Variants in NUP93 observed in about 807,000 individuals in gnomAD.
The protein encoded by NUP93 is nucleoporin 93, also known as nuclear pore complex protein Nup93.
In NUP93, 55 loss-of-function variants were observed where a neutral mutation model predicts 107.8. The ratio of observed to expected loss-of-function variants is 0.51; its 90% CI spans 0.41 to 0.64. The LOEUF (loss-of-function observed/expected upper bound fraction) is 0.64, where lower values mean the gene tolerates loss of function less well. Ranked by LOEUF, NUP93 falls within the 30% of genes least tolerant of loss-of-function variation. The pLI, the probability that NUP93 is intolerant of heterozygous loss-of-function variation, is 0.00. For missense variants in NUP93, 937 were observed against 1,044.7 expected, an observed-to-expected ratio of 0.90 and a Z score of 1.42; for synonymous variants, 390 against 397.5, an observed-to-expected ratio of 0.98 and a Z score of 0.22.
At chr16:56,773,589 C>A (rs1454719080) in intron 3 of NUP93, among the ~76,000 whole-genome samples, 1 of 152,172 alleles carries the variant, frequency 6.6e-6, no homozygotes, top group Admixed American at 6.5e-5. Flanking sequence ...GCGCTCAGAC[C>A]AGCAGCATCA....
chr16:56,828,034 T>C (rs1044128041), intron 8 of NUP93, among the ~76,000 whole-genome samples: 2 of 151,688 alleles, frequency 1.3e-5, no homozygotes, highest in African/African-American at 2.4e-5. Flanking sequence ...ACAAGAGAAA[T>C]GCTTGAAAAC....
At position 56,844,893 on chromosome 16, in the gene NUP93, A is replaced by G. The variant is rs138475119; in HGVS notation, c.*284A>G. 62 of 393,398 alleles carry G rather than the reference A, an allele frequency of 1.6e-4. No individual in the cohort carries two copies. Among genetic ancestry groups the G allele is most frequent in the African/African-American group, 1.2e-3 (57 of 48,542 alleles). The allele number at this position is 393,398 out of a possible 1,614,324, so 24.4% of individuals were successfully genotyped here. A position where few individuals can be genotyped will look rare whatever the true frequency, so the allele number is the denominator to read the frequency against. On this transcript the variant is annotated 3_prime_UTR_variant, in exon 22 of 22. Coordinates refer to ENST00000308159, the MANE Select transcript of NUP93 (RefSeq NM_014669.5). ...GGAATGAGAGGCTATGTAGATATTC[A>G]TTATTTGGTTAAATTGACCTTAATT...
intron 1 of NUP93, among the ~76,000 whole-genome samples, chr16:56,739,037 G>C (rs1961659001): frequency 1.3e-5 from 2 of 150,244 alleles, no homozygotes; most frequent in Admixed American, 6.6e-5. Context: ...TGGGGGTAAG[G>C]TCACAGATCA....
chr16:56,740,488 C>A (rs1256695430), intron 1 of NUP93, among the ~76,000 whole-genome samples: 116 of 148,950 alleles, frequency 7.8e-4, no homozygotes, highest in Non-Finnish European at 1.3e-3. Flanking sequence ...AAGAGGCGCT[C>A]CTCACTTCCT....
chr16:56,804,348 T>A (rs1963086390), intron 4 of NUP93, among the ~76,000 whole-genome samples: 1 of 152,202 alleles, frequency 6.6e-6, no homozygotes, highest in African/African-American at 2.4e-5. Context: ...AAATGTGGTA[T>A]ATTCATACAG....
Position 56,739,130 on chromosome 16 carries a change from C to T in NUP93, c.-15+8919C>T, listed in dbSNP as rs375041858. Among the ~76,000 whole-genome samples, 1,188 of 138,968 alleles carry T rather than the reference C, an allele frequency of 8.5e-3. 5 individuals are homozygous for T. The highest frequency in any genetic ancestry group is 0.031 in the African/African-American group (1,112 of 35,620). The allele number at this position is 138,968 out of a possible 152,430, so 91.2% of individuals were successfully genotyped here. ...ATGTCTACTTCTTTCTACACAGACACGGCAACCATCCGATTTCTCAATCTT... is the reference window on the plus strand; with the variant it reads ...ATGTCTACTTCTTTCTACACAGACATGGCAACCATCCGATTTCTCAATCTT... On this transcript the variant is annotated intron_variant, in intron 1 of 21. Transcript: ENST00000308159.
At chr16:56,732,168 C>T (rs1221501641) in intron 1 of NUP93, among the ~76,000 whole-genome samples, 1 of 152,174 alleles carries the variant, frequency 6.6e-6, no homozygotes, top group African/African-American at 2.4e-5. Context: ...CCCTTCATTG[C>T]TTTAGTTGTT....
At chr16:56,738,377 A>T (rs182252472) in intron 1 of NUP93, among the ~76,000 whole-genome samples, 1 of 152,340 alleles carries the variant, frequency 6.6e-6, no homozygotes, top group African/African-American at 2.4e-5. Context: ...TTGAAGAGGA[A>T]ATAATACAAG....
rs199745065 is a variant in NUP93 at position 56,834,174 on chromosome 16, C to T, written c.1584C>T (p.Phe528=). 75 of 1,614,080 alleles carry T rather than the reference C, an allele frequency of 4.6e-5. No individual in the cohort carries two copies. The highest frequency in any genetic ancestry group is 5.9e-5 in the Non-Finnish European group (70 of 1,180,056). Residue 528 remains phenylalanine, a synonymous_variant, in exon 14 of 22, where the codon TTC becomes TTT. Transcript: ENST00000308159. Reference sequence around the variant, plus strand: ...CTCCTTGCTTGCGGCGGCTGAACTTCGTGCGGCTCCTCATGCTGTACACCC... The same window carrying T: ...CTCCTTGCTTGCGGCGGCTGAACTTTGTGCGGCTCCTCATGCTGTACACCC... ...GDPPCLRRLN[F]VRLLMLYTRK...
intron 8 of NUP93, among the ~76,000 whole-genome samples, chr16:56,826,675 C>G (rs746554756): frequency 6.6e-6 from 1 of 152,086 alleles, no homozygotes; most frequent in Non-Finnish European, 1.5e-5. Flanking sequence ...CGTATACCAT[C>G]TAGAGGCTCC....
chr16:56,792,114 C>A (rs575801456), intron 3 of NUP93, among the ~76,000 whole-genome samples: 5 of 152,092 alleles, frequency 3.3e-5, no homozygotes, highest in Non-Finnish European at 5.9e-5. Flanking sequence ...CAGGAGTTTG[C>A]GGCTGCAGTG....
chr16:56,739,516 CGG>C (rs1961672473), intron 1 of NUP93, among the ~76,000 whole-genome samples: 4 of 77,746 alleles, frequency 5.1e-5, no homozygotes, highest in South Asian at 5.7e-4. Context: ...GCTGGCCGGG[CGG>C]GGGGGCTGAC....
In NUP93 at chr16:56,848,532, C is replaced by T. The variant is rs1309657712; in HGVS notation, c.*3923C>T. 1 of 152,210 alleles carries T rather than the reference C, an allele frequency of 6.6e-6. No homozygotes were observed. Among genetic ancestry groups the T allele is most frequent in the African/African-American group, 2.4e-5 (1 of 41,430 alleles). The allele number at this position is 152,210 out of a possible 1,614,324, so 9.4% of individuals were successfully genotyped here. A position where few individuals can be genotyped will look rare whatever the true frequency, so the allele number is the denominator to read the frequency against. ...TGAATCCACAAGTCTTCCCATCTTC[C>T]ACCATCTTCTGACAGTTCCATAATA... is the stretch of plus-strand genomic sequence containing the variant. On this transcript the variant is annotated 3_prime_UTR_variant, in exon 22 of 22. Coordinates refer to ENST00000308159, the MANE Select transcript of NUP93 (RefSeq NM_014669.5).
At chr16:56,752,977 T>C (rs1039125916) in intron 2 of NUP93, among the ~76,000 whole-genome samples, 8 of 152,162 alleles carry the variant, frequency 5.3e-5, no homozygotes, top group Admixed American at 5.2e-4. Context: ...TTGAAGAGGC[T>C]TCTACTGGCC....
At chr16:56,836,836 T>C in intron 17 of NUP93, 119 bp downstream of exon 17, 1 of 644,586 alleles carries the variant, frequency 1.6e-6, no homozygotes, top group Middle Eastern at 2.8e-4. Context: ...AGGCATTTGC[T>C]CTAGTGCTTA....
In NUP93 at chr16:56,770,526, C is replaced by T. The variant is rs189810090; in HGVS notation, c.297+11871C>T. 3.5e-3 allele frequency among the ~76,000 whole-genome samples: 539 copies of T among 152,222 alleles called. 1 individual carries two copies. Among genetic ancestry groups the T allele is most frequent in the Non-Finnish European group, 5.1e-3 (349 of 68,016 alleles). Reference sequence around the variant, plus strand: ...GGGGGAAAATTGACTTCCGCCACCCCCTCCAGTCACACAAATAAGATGGAC... The same window carrying T: ...GGGGGAAAATTGACTTCCGCCACCCTCTCCAGTCACACAAATAAGATGGAC... On this transcript the variant is annotated intron_variant, in intron 3 of 21. Coordinates refer to ENST00000308159, the MANE Select transcript of NUP93 (RefSeq NM_014669.5).
At chr16:56,767,055 T>C (rs1962228447) in intron 3 of NUP93, among the ~76,000 whole-genome samples, 1 of 152,258 alleles carries the variant, frequency 6.6e-6, no homozygotes, top group African/African-American at 2.4e-5. Flanking sequence ...TTGGAGAGGC[T>C]GAATGTGTTC....
At chr16:56,780,443 G>A (rs1196001656) in intron 3 of NUP93, among the ~76,000 whole-genome samples, 1 of 152,160 alleles carries the variant, frequency 6.6e-6, no homozygotes, top group Admixed American at 6.5e-5. Flanking sequence ...TCACTGTTCA[G>A]ACACCAGTGT....
At chr16:56,739,550 A>G (rs1316642383) in intron 1 of NUP93, among the ~76,000 whole-genome samples, 2 of 83,990 alleles carry the variant, frequency 2.4e-5, no homozygotes, top group Non-Finnish European at 4.7e-5. Flanking sequence ...TCCCTCCCGG[A>G]CGGGGCGGCT....
Sources: allele counts gnomAD v4.1 joint callset (sites outside exome capture counted in the v4.1 genomes callset), GRCh38; gene constraint gnomAD v4.1.1; transcripts MANE v1.5; gene names NCBI Gene and HGNC (gene_info 2026-07-23, HGNC 2026-07-21).